The following ACAN variants were observed in gnomAD, a reference collection of about 807,000 sequenced individuals.
The protein encoded by ACAN is aggrecan core protein.
In ACAN, 47 loss-of-function variants were observed where a neutral mutation model predicts 169.1. The observed-to-expected ratio is 0.28, with a 90% CI of 0.22 to 0.35. The LOEUF (loss-of-function observed/expected upper bound fraction) is 0.35, where lower values mean the gene tolerates loss of function less well. Among genes scored for constraint, ACAN ranks in the 10% least tolerant of loss-of-function variants. The pLI is 1.00. For missense variants in ACAN, 2,716 were observed against 2,759.9 expected, an observed-to-expected ratio of 0.98 and a Z score of 0.36; for synonymous variants, 1,115 against 1,112.2, an observed-to-expected ratio of 1.00 and a Z score of -0.05.
At position 88,840,199 on chromosome 15, in the gene ACAN, C is replaced by T. The variant is rs751518377; in HGVS notation, c.629+13C>T. 6.3e-6 allele frequency: 10 copies of T among 1,578,978 alleles called. No homozygotes were observed. The highest frequency in any genetic ancestry group is 1.3e-5 in the African/African-American group (1 of 74,616). On this transcript the variant is annotated intron_variant, in intron 4 of 18. Coordinates refer to ENST00000560601, the MANE Select transcript of ACAN (RefSeq NM_001369268.1). ...ACCAGACTGTCAGGTGAGCCCTAGCCCATCAGCTAGTGGGGGCCAGGAGTC... is the reference window on the plus strand; with the variant it reads ...ACCAGACTGTCAGGTGAGCCCTAGCTCATCAGCTAGTGGGGGCCAGGAGTC...
rs759677135 is a variant in ACAN at position 88,873,008 on chromosome 15, C to T, written c.7430C>T (p.Thr2477Met). The T allele has an allele frequency of 3.1e-6, 5 of 1,612,960 alleles. No individual in the cohort carries two copies. The highest frequency in any genetic ancestry group is 2.7e-5 in the African/African-American group (2 of 74,898). Residue 2477 changes from threonine (T) to methionine (M), a missense_variant, in exon 17 of 19, where the codon ACG (threonine) becomes ATG (methionine). Thr to Met is a moderately conservative substitution (Grantham distance 81). Around this residue, in one of 3 missense-constraint regions of ACAN, gnomAD observed 1,389 missense variants for 1,363.7 expected, o/e 1.02. Coordinates refer to ENST00000560601, the MANE Select transcript of ACAN (RefSeq NM_001369268.1). This position sits in a 1 kb window ranked among gnomAD's most constrained non-coding sequence, Gnocchi z 7.5. The part of the protein sequence containing the change: ...DVPCNYHLPF[T>M]CKKGTVACGE... Reference sequence around the variant, plus strand: ...CCCTGCAATTACCACCTCCCCTTCACGTGTAAAAAGGGCACAGGTAAGCTG... The same window carrying T: ...CCCTGCAATTACCACCTCCCCTTCATGTGTAAAAAGGGCACAGGTAAGCTG...
Position 88,839,027 on chromosome 15 carries a change from C to G in ACAN, c.435C>G (p.Thr145=), listed in dbSNP as rs764368613. The G allele has an allele frequency of 6.2e-7, 1 of 1,604,600 alleles. No individual in the cohort carries two copies. ...ATGGCATCGAGGACAGCGAGGCCAC[C>G]CTGGAAGTCGTGGTGAAAGGTGAGA... ...VMHGIEDSEA[T]LEVVVKGIVF... Residue 145 remains threonine, a synonymous_variant, in exon 3 of 19, where the codon ACC becomes ACG. Coordinates refer to ENST00000560601, the MANE Select transcript of ACAN (RefSeq NM_001369268.1). This position sits in a 1 kb window ranked among gnomAD's most constrained non-coding sequence, Gnocchi z 4.5.
At chr15:88,841,049 G>C (rs1896647014) in intron 4 of ACAN, among the ~76,000 whole-genome samples, 1 of 152,242 alleles carries the variant, frequency 6.6e-6, no homozygotes, top group African/African-American at 2.4e-5. Flanking sequence ...GGAGGCTGAG[G>C]CAGGAGAATG....
chr15:88,865,117 C>T (rs1215216838), intron 13 of ACAN, among the ~76,000 whole-genome samples: 1 of 152,172 alleles, frequency 6.6e-6, no homozygotes, highest in African/African-American at 2.4e-5. Context: ...TATTTTCTCT[C>T]CCAAGTTAGA....
At chr15:88,847,500 C>T (rs1400985821) in intron 8 of ACAN, 83 bp downstream of exon 8, 2 of 1,407,672 alleles carry the variant, frequency 1.4e-6, no homozygotes, top group East Asian at 5.1e-5. Context: ...GCCCCCAGCA[C>T]ACTGAGCACC....
chr15:88,853,646 A>G (rs1175387687), intron 11 of ACAN, among the ~76,000 whole-genome samples: 2 of 152,190 alleles, frequency 1.3e-5, no homozygotes, highest in South Asian at 2.1e-4. Flanking sequence ...TCCAAAAAAA[A>G]AGAAAGAAAT....
intron 12 of ACAN, 49 bp from the exon 13 acceptor site, chr15:88,860,277 G>A: frequency 1.4e-6 from 2 of 1,382,576 alleles, no homozygotes; most frequent in Non-Finnish European, 2.0e-6. Flanking sequence ...GGCCATGGTA[G>A]CCAGGTGACT....
rs1190398043 is a variant in ACAN, at chr15:88,834,960, T to C, written c.-7-1240T>C. 2.6e-5 allele frequency among the ~76,000 whole-genome samples: 4 copies of C among 152,184 alleles called. No homozygotes were observed. In the East Asian group the frequency reaches 5.8e-4, roughly 22 times the overall value. On this transcript the variant is annotated intron_variant, in intron 1 of 18. Transcript: ENST00000560601. ...ACCTATGCTGGAGTCAGGGTTCCAA[T>C]TGTGCACCTTTACACTGCGGTTGTC...
At chr15:88,820,349 AG>A (rs1187383541) in intron 1 of ACAN, among the ~76,000 whole-genome samples, 1 of 152,120 alleles carries the variant, frequency 6.6e-6, no homozygotes, top group East Asian at 1.9e-4. Context: ...TCATGGAGGA[AG>A]GGCCCACCAC....
chr15:88,872,077 C>T lies in ACAN; in HGVS notation c.7294C>T (p.His2432Tyr), dbSNP rs1267846734. ...IEGDFRWSDGHPMQFENWRPN... is the reference protein window; with the variant it reads ...IEGDFRWSDGYPMQFENWRPN... Reference sequence around the variant, plus strand: ...AGGGGACTTCCGCTGGTCAGATGGACACCCCATGGTGAGTTCTGCTGTAGG... The same window carrying T: ...AGGGGACTTCCGCTGGTCAGATGGATACCCCATGGTGAGTTCTGCTGTAGG... The change falls in exon 16 of 19, where the codon CAC becomes TAC. Residue 2432 changes from histidine (H) to tyrosine (Y), a missense_variant. Around this residue, in one of 3 missense-constraint regions of ACAN, gnomAD observed 1,389 missense variants for 1,363.7 expected, o/e 1.02. Coordinates refer to ENST00000560601, the MANE Select transcript of ACAN (RefSeq NM_001369268.1). This position sits in a 1 kb window ranked among gnomAD's most constrained non-coding sequence, Gnocchi z 5.4. The T allele has an allele frequency of 6.2e-7, 1 of 1,613,738 alleles. No individual in the cohort carries two copies. Among genetic ancestry groups the T allele is most frequent in the South Asian group, 1.1e-5 (1 of 91,074 alleles).
chr15:88,872,991 T>G lies in ACAN; in HGVS notation c.7413T>G (p.Asn2471Lys), dbSNP rs1244031237. 1 of 1,613,562 alleles carries G rather than the reference T, an allele frequency of 6.2e-7. No individual in the cohort carries two copies. Among genetic ancestry groups the G allele is most frequent in the Admixed American group, 1.7e-5 (1 of 59,960 alleles). Residue 2471 changes from asparagine (N) to lysine (K), a missense_variant, in exon 17 of 19, where the codon AAT becomes AAG. Physicochemically the swap from Asn to Lys is moderately conservative, Grantham distance 94. Transcript: ENST00000560601. The surrounding 1 kb of genome is among the most constrained non-coding windows in gnomAD (Gnocchi z 5.4). Reference protein sequence around the residue: ...EKGEWNDVPCNYHLPFTCKKG... With the variant: ...EKGEWNDVPCKYHLPFTCKKG... ...GCGAGTGGAATGATGTTCCCTGCAA[T>G]TACCACCTCCCCTTCACGTGTAAAA...
At chr15:88,811,600 T>G (rs1451245705) in intron 1 of ACAN, among the ~76,000 whole-genome samples, 1 of 152,072 alleles carries the variant, frequency 6.6e-6, no homozygotes, top group South Asian at 2.1e-4. Flanking sequence ...CACTGTGGGG[T>G]GGGGTGGGGC....
chr15:88,813,601 G>T (rs11633371), intron 1 of ACAN, among the ~76,000 whole-genome samples: 81,469 of 152,012 alleles, frequency 0.54, 22,496 homozygotes, highest in East Asian at 0.9. Context: ...TAAATGTATA[G>T]TTTTAGGTGC....
At chr15:88,811,009 G>T (rs1183956704) in intron 1 of ACAN, among the ~76,000 whole-genome samples, 1 of 152,200 alleles carries the variant, frequency 6.6e-6, no homozygotes, top group South Asian at 2.1e-4. Flanking sequence ...TCCTTTAGGG[G>T]AGTGAGAAGG....
At chr15:88,809,380 T>A (rs1895764004) in intron 1 of ACAN, among the ~76,000 whole-genome samples, 1 of 152,130 alleles carries the variant, frequency 6.6e-6, no homozygotes, top group African/African-American at 2.4e-5. Context: ...AGCCTCAGGT[T>A]CTTTATTTAT....
rs574437652 is a variant in ACAN at position 88,859,328 on chromosome 15, C to T, written c.6743C>T (p.Thr2248Ile). The T allele has an allele frequency of 3.5e-5, 56 of 1,607,250 alleles. No homozygotes were observed. Among genetic ancestry groups the T allele is most frequent in the South Asian group, 3.1e-4 (28 of 90,082 alleles). ...AGCCTCCTGTACTCAGGAGAAGAGA[C>T]TCACACAGTCGAAACAGCCACCTCC... ...SSSLLYSGEETHTVETATSPT... is the reference protein window; with the variant it reads ...SSSLLYSGEEIHTVETATSPT... The change falls in exon 12 of 19, where the codon ACT becomes ATT. Residue 2248 changes from threonine (T) to isoleucine (I), a missense_variant. Around this residue, in one of 3 missense-constraint regions of ACAN, gnomAD observed 1,389 missense variants for 1,363.7 expected, o/e 1.02. Coordinates refer to ENST00000560601, the MANE Select transcript of ACAN (RefSeq NM_001369268.1).
At chr15:88,828,672 G>A (rs573004056) in intron 1 of ACAN, among the ~76,000 whole-genome samples, 3 of 152,292 alleles carry the variant, frequency 2.0e-5, no homozygotes, top group East Asian at 3.9e-4. Context: ...AGGCTGAGAG[G>A]GTGGAGATGC....
chr15:88,826,952 C>A (rs530669520), intron 1 of ACAN, among the ~76,000 whole-genome samples: 1 of 152,332 alleles, frequency 6.6e-6, no homozygotes, highest in East Asian at 1.9e-4. Context: ...CAGCCACTCA[C>A]TATCTGTGTG....
chr15:88,858,802 G>T lies in ACAN; in HGVS notation c.6217G>T (p.Val2073Phe), dbSNP rs748318826. Residue 2073 changes from valine to phenylalanine, a missense_variant, in exon 12 of 19, where the codon GTC (valine) becomes TTC (phenylalanine). Transcript: ENST00000560601. This position sits in a 1 kb window ranked among gnomAD's most constrained non-coding sequence, Gnocchi z 4.0. ...CCAGCTTTTTGAGTCCAGTGGAAAA[G>T]TCTCCACAGCTGGGGACATTAGTGG... ...TPQLFESSGKVSTAGDISGAT... is the reference protein window; with the variant it reads ...TPQLFESSGKFSTAGDISGAT... 4 of 1,613,858 alleles carry T rather than the reference G, an allele frequency of 2.5e-6. No individual in the cohort carries two copies. The highest frequency in any genetic ancestry group is 3.3e-4 in the Middle Eastern group (2 of 6,060).
Sources: allele counts gnomAD v4.1 joint callset (sites outside exome capture counted in the v4.1 genomes callset), GRCh38; gene constraint gnomAD v4.1.1; regional missense constraint gnomAD v4.1.1; non-coding constraint Gnocchi (gnomAD v3.1); transcripts MANE v1.5; gene names NCBI Gene and HGNC (gene_info 2026-07-23, HGNC 2026-07-21).